The following SEMA5A variants were observed in gnomAD, a reference collection of about 807,000 sequenced individuals.
SEMA5A encodes the protein semaphorin-5A.
Under a neutral mutation model 135.5 loss-of-function variants are expected in SEMA5A, and 55 were observed. The ratio of observed to expected loss-of-function variants is 0.41; its 90% CI spans 0.33 to 0.51. The LOEUF (loss-of-function observed/expected upper bound fraction) is 0.51. Among genes scored for constraint, SEMA5A ranks in the 20% least tolerant of loss-of-function variants. The pLI is 0.37. For synonymous variants in SEMA5A, 580 were observed against 546.5 expected, an observed-to-expected ratio of 1.06 and a Z score of -0.85; for missense variants, 1,290 against 1,419.9, an observed-to-expected ratio of 0.91 and a Z score of 1.47.
chr5:9,391,277 C>T (rs893160053), intron 2 of SEMA5A, among the ~76,000 whole-genome samples: 1 of 152,186 alleles, frequency 6.6e-6, no homozygotes, highest in Non-Finnish European at 1.5e-5. Flanking sequence ...GACGCAATGG[C>T]TTTGTCCGTG....
chr5:9,059,925 C>T (rs1737091254), intron 18 of SEMA5A, among the ~76,000 whole-genome samples: 1 of 152,162 alleles, frequency 6.6e-6, no homozygotes. Flanking sequence ...TAATTGTCCA[C>T]TATGAACCCA....
chr5:9,482,872 T>C (rs929755692), intron 1 of SEMA5A, among the ~76,000 whole-genome samples: 2 of 152,214 alleles, frequency 1.3e-5, no homozygotes, highest in Non-Finnish European at 2.9e-5. Flanking sequence ...ACTTTCCTGA[T>C]CATTTAGTCT....
rs1736021147 is a variant in SEMA5A at position 9,042,600 on chromosome 5, T to C, written c.*297A>G. 2.9e-6 allele frequency: 1 copy of C among 342,482 alleles called. No homozygotes were observed. Among genetic ancestry groups the C allele is most frequent in the Non-Finnish European group, 5.4e-6 (1 of 186,162 alleles). 21.2% of individuals were successfully genotyped at this position (342,482 alleles called of 1,614,324 possible). A position where few individuals can be genotyped will look rare whatever the true frequency, so the allele number is the denominator to read the frequency against. On this transcript the variant is annotated 3_prime_UTR_variant, in exon 23 of 23. Coordinates refer to ENST00000382496, the MANE Select transcript of SEMA5A (RefSeq NM_003966.3). Reference sequence around the variant, plus strand: ...CTCCTTCCAATGTGGGTGGCACATTTATAAAATAATGCTCAAAAAACAAAC... The same window carrying C: ...CTCCTTCCAATGTGGGTGGCACATTCATAAAATAATGCTCAAAAAACAAAC...
chr5:9,038,488 G>GTATC lies in SEMA5A; in HGVS notation c.*4405_*4408dup, dbSNP rs1735773965. The GTATC allele has an allele frequency of 6.6e-6, 1 of 152,156 alleles. No individual in the cohort carries two copies. Among genetic ancestry groups the GTATC allele is most frequent in the Non-Finnish European group, 1.5e-5 (1 of 68,024 alleles). The allele number at this position is 152,156 out of a possible 1,614,324, so 9.4% of individuals were successfully genotyped here. ...ATGGTTCAGGGACAAAGTTGAAGAA[G>GTATC]TATCTTGACAGTATTGGGGAAATAT... On this transcript the variant is annotated 3_prime_UTR_variant, in exon 23 of 23. Transcript: ENST00000382496.
intron 16 of SEMA5A, among the ~76,000 whole-genome samples, chr5:9,100,627 G>T (rs111656645): frequency 0.015 from 2,281 of 152,104 alleles, 25 homozygotes; most frequent in African/African-American, 0.037. Context: ...TGCTGCTGTC[G>T]ACATATAAAA....
intron 1 of SEMA5A, among the ~76,000 whole-genome samples, chr5:9,515,025 G>T (rs575185029): frequency 6.6e-6 from 1 of 152,156 alleles, no homozygotes; most frequent in South Asian, 2.1e-4. Context: ...CACTTAAATC[G>T]TATTTTCATA....
chr5:9,037,767 T>C lies in SEMA5A; in HGVS notation c.*5130A>G, dbSNP rs1579279697. On this transcript the variant is annotated 3_prime_UTR_variant, in exon 23 of 23. Transcript: ENST00000382496. ...TGCTTTATTAGGTTAACATAGCAGA[T>C]AACCTGAATTCCTTGGCTTAGTGTT... is the stretch of plus-strand genomic sequence containing the variant. The C allele has an allele frequency of 1.3e-5, 2 of 152,318 alleles. No individual in the cohort carries two copies. Among genetic ancestry groups the C allele is most frequent in the Non-Finnish European group, 2.9e-5 (2 of 68,016 alleles). The allele number at this position is 152,318 out of a possible 1,614,324, so 9.4% of individuals were successfully genotyped here. A position where few individuals can be genotyped will look rare whatever the true frequency, so the allele number is the denominator to read the frequency against.
intron 2 of SEMA5A, among the ~76,000 whole-genome samples, chr5:9,415,705 A>G (rs529775616): frequency 6.6e-6 from 1 of 152,324 alleles, no homozygotes; most frequent in South Asian, 2.1e-4. Flanking sequence ...AAATATATGT[A>G]ATAGAAGCCC....
At chr5:9,443,418 C>T (rs749940947) in intron 1 of SEMA5A, among the ~76,000 whole-genome samples, 7 of 152,138 alleles carry the variant, frequency 4.6e-5, no homozygotes, top group African/African-American at 1.4e-4. Flanking sequence ...ACAGGGATAA[C>T]AGGATGTCCT....
At chr5:9,405,965 A>G (rs1382161077) in intron 2 of SEMA5A, among the ~76,000 whole-genome samples, 3 of 152,186 alleles carry the variant, frequency 2.0e-5, no homozygotes, top group East Asian at 1.9e-4. Flanking sequence ...AAGATGATGA[A>G]TATCTGGGAC....
At chr5:9,179,019 G>C (rs943935057) in intron 11 of SEMA5A, among the ~76,000 whole-genome samples, 4 of 152,126 alleles carry the variant, frequency 2.6e-5, no homozygotes, top group African/African-American at 9.7e-5. Flanking sequence ...GTAGAGATTA[G>C]ACTTAGCAAA....
intron 16 of SEMA5A, among the ~76,000 whole-genome samples, chr5:9,090,755 G>A (rs1579374856): frequency 1.3e-5 from 2 of 152,280 alleles, no homozygotes; most frequent in East Asian, 1.9e-4. Context: ...AATCTCAAGC[G>A]ATTTTCCAAG....
At chr5:9,077,094 G>C (rs1171788485) in intron 16 of SEMA5A, among the ~76,000 whole-genome samples, 2 of 152,092 alleles carry the variant, frequency 1.3e-5, no homozygotes, top group African/African-American at 4.8e-5. Flanking sequence ...TTGGCTTCCA[G>C]GACTGTTTCT....
chr5:9,272,543 C>T (rs1245562102), intron 5 of SEMA5A, among the ~76,000 whole-genome samples: 3 of 152,172 alleles, frequency 2.0e-5, no homozygotes, highest in African/African-American at 7.2e-5. Context: ...AAGTGGGTCC[C>T]TGATCCCGGT....
intron 6 of SEMA5A, among the ~76,000 whole-genome samples, chr5:9,227,884 GA>G (rs1747406416): frequency 6.6e-6 from 1 of 152,188 alleles, no homozygotes; most frequent in Admixed American, 6.5e-5. Flanking sequence ...ATTGAAAAGT[GA>G]AAATATGCTT....
chr5:9,189,840 A>G (rs980918024), intron 11 of SEMA5A, among the ~76,000 whole-genome samples: 1 of 152,256 alleles, frequency 6.6e-6, no homozygotes, highest in Admixed American at 6.5e-5. Flanking sequence ...GCCATGTACC[A>G]CCATCCACGC....
intron 11 of SEMA5A, among the ~76,000 whole-genome samples, chr5:9,164,715 TG>T (rs1743510921): frequency 6.6e-6 from 1 of 152,156 alleles, no homozygotes; most frequent in Non-Finnish European, 1.5e-5. Flanking sequence ...CTGGTGATTT[TG>T]GGGGAAATTC....
chr5:9,489,426 G>C (rs1016808547), intron 1 of SEMA5A, among the ~76,000 whole-genome samples: 3 of 152,132 alleles, frequency 2.0e-5, no homozygotes, highest in African/African-American at 7.2e-5. Context: ...AACAGGCCCT[G>C]TGTCTGGCTA....
At chr5:9,045,623 C>T (rs1304665231) in intron 21 of SEMA5A, among the ~76,000 whole-genome samples, 1 of 152,152 alleles carries the variant, frequency 6.6e-6, no homozygotes, top group Non-Finnish European at 1.5e-5. Context: ...TCCTGCGTAC[C>T]ACTTTTCTCA....
Sources: gnomAD v4.1 joint callset for allele counts (sites outside exome capture counted in the v4.1 genomes callset) on GRCh38, gnomAD v4.1.1 for gene constraint, MANE v1.5 for transcripts, NCBI Gene and HGNC (gene_info 2026-07-23, HGNC 2026-07-21) for gene names.